The following IQGAP1 variants were observed in gnomAD, a reference collection of about 807,000 sequenced individuals.
IQGAP1 encodes the protein IQ motif containing GTPase activating protein 1, also known as ras GTPase-activating-like protein IQGAP1.
Under a neutral mutation model 215.6 loss-of-function variants are expected in IQGAP1, and 66 were observed. The observed-to-expected ratio is 0.31, with a 90% confidence interval of 0.25 to 0.38. The LOEUF (loss-of-function observed/expected upper bound fraction) is 0.38. IQGAP1 is among the 10% of genes least tolerant of loss of function. The probability of loss-of-function intolerance (pLI) is 1.00; values close to 1 mark genes in which losing one functional copy is unlikely to be tolerated. For synonymous variants in IQGAP1, 772 were observed against 728.7 expected (o/e 1.06, Z -0.96); for missense variants, 1,712 against 1,997.1 (o/e 0.86, Z 2.72).
chr15:90,482,817 T>A, intron 28 of IQGAP1: 1 of 661,994 alleles, frequency 1.5e-6, no homozygotes, highest in Non-Finnish European at 1.9e-6. Flanking sequence ...TGAATTCTTC[T>A]GTGGAAGAGA....
At chr15:90,491,645 G>A (rs1966206404) in intron 34 of IQGAP1, 100 bp downstream of exon 34, 1 of 872,396 alleles carries the variant, frequency 1.1e-6, no homozygotes, top group African/African-American at 1.7e-5. Flanking sequence ...CAGTTCATGG[G>A]CAAATTAGTG....
chr15:90,425,793 A>G (rs372937940), intron 2 of IQGAP1, among the ~76,000 whole-genome samples: 2 of 152,208 alleles, frequency 1.3e-5, no homozygotes, highest in African/African-American at 4.8e-5. Flanking sequence ...TTAAAGAGCA[A>G]CTTAAGGACT....
chr15:90,397,456 C>T (rs921415248), intron 2 of IQGAP1, among the ~76,000 whole-genome samples: 2 of 150,570 alleles, frequency 1.3e-5, no homozygotes, highest in African/African-American at 4.9e-5. Context: ...TCTTACAGAG[C>T]TGCTGTGATG....
At chr15:90,404,190 G>A (rs1964843658) in intron 2 of IQGAP1, among the ~76,000 whole-genome samples, 1 of 152,156 alleles carries the variant, frequency 6.6e-6, no homozygotes, top group African/African-American at 2.4e-5. Flanking sequence ...GGGTCAAAGG[G>A]AATATGCATA....
At position 90,460,939 on chromosome 15, in the gene IQGAP1, C is replaced by T. The variant is rs571526897; in HGVS notation, c.1776+4624C>T. On this transcript the variant is annotated intron_variant, in intron 15 of 37. Coordinates refer to ENST00000268182, the MANE Select transcript of IQGAP1 (RefSeq NM_003870.4). ...ACTTGGGCCTAGGGGGCTGAGGTTG[C>T]GGTGAGCCAAGATTGCACCACTGCA... is the stretch of plus-strand genomic sequence containing the variant. 3.6e-5 allele frequency among the ~76,000 whole-genome samples: 5 copies of T among 137,152 alleles called. No individual in the cohort carries two copies. The South Asian group carries it at 7.4e-4, about 20-fold the overall frequency. The allele number at this position is 137,152 out of a possible 152,430, so 90.0% of individuals were successfully genotyped here. A position where few individuals can be genotyped will look rare whatever the true frequency, so the allele number is the denominator to read the frequency against.
At position 90,501,889 on chromosome 15, in the gene IQGAP1, A is replaced by C. The variant is rs999693313; in HGVS notation, c.*1781A>C. ...CAGAGTTTACAGCTCCTTTAATAAA[A>C]TGTGTCAGTAATTTTAAGGTTTATA... On this transcript the variant is annotated 3_prime_UTR_variant, in exon 38 of 38. Coordinates refer to ENST00000268182, the MANE Select transcript of IQGAP1 (RefSeq NM_003870.4). 6.6e-5 allele frequency: 10 copies of C among 152,228 alleles called. No homozygotes were observed. The highest frequency in any genetic ancestry group is 1.5e-4 in the Non-Finnish European group (10 of 68,046). 9.4% of individuals were successfully genotyped at this position (152,228 alleles called of 1,614,324 possible).
chr15:90,476,558 C>A, intron 23 of IQGAP1, 105 bp from the exon 24 acceptor site: 1 of 746,892 alleles, frequency 1.3e-6, no homozygotes, highest in Non-Finnish European at 2.2e-6. Context: ...TCTGCCAGTG[C>A]AGTACACCTT....
At chr15:90,420,011 A>T (rs974278109) in intron 2 of IQGAP1, among the ~76,000 whole-genome samples, 1 of 152,162 alleles carries the variant, frequency 6.6e-6, no homozygotes, top group African/African-American at 2.4e-5. Flanking sequence ...ATGTACTATC[A>T]TCTCTTTAAT....
chr15:90,494,354 A>C (rs139062942), intron 35 of IQGAP1: 5 of 157,982 alleles, frequency 3.2e-5, no homozygotes, highest in Non-Finnish European at 2.8e-5. Flanking sequence ...GCGTAGAGTA[A>C]CTCCTTCACT....
intron 6 of IQGAP1, 66 bp downstream of exon 6, chr15:90,439,465 T>G (rs1333464847): frequency 2.2e-6 from 3 of 1,356,216 alleles, no homozygotes; most frequent in East Asian, 2.3e-5. Flanking sequence ...GAGCCAGCAG[T>G]ACCAATTTTG....
intron 15 of IQGAP1, among the ~76,000 whole-genome samples, chr15:90,456,924 GTATA>G (rs145308728): frequency 6.8e-5 from 9 of 131,496 alleles, no homozygotes; most frequent in South Asian, 2.4e-4. Context: ...GTGTGTGTGT[GTATA>G]TATATATATA....
At chr15:90,417,702 T>G (rs1000388631) in intron 2 of IQGAP1, among the ~76,000 whole-genome samples, 11 of 152,208 alleles carry the variant, frequency 7.2e-5, no homozygotes, top group Non-Finnish European at 1.3e-4. Context: ...GCGGGCTCTT[T>G]TTGGGTTCCA....
At chr15:90,391,544 T>C (rs1314537218) in intron 2 of IQGAP1, 1 of 152,420 alleles carries the variant, frequency 6.6e-6, no homozygotes, top group Non-Finnish European at 1.5e-5. Context: ...TTGATTTATA[T>C]ATGAATTGAG....
intron 1 of IQGAP1, among the ~76,000 whole-genome samples, chr15:90,390,371 G>A (rs1374161961): frequency 2.6e-5 from 4 of 152,158 alleles, no homozygotes; most frequent in Admixed American, 6.6e-5. Context: ...GAGAGAATGC[G>A]TGTAAAATGC....
intron 2 of IQGAP1, among the ~76,000 whole-genome samples, chr15:90,395,464 G>A (rs2151000880): frequency 6.6e-6 from 1 of 152,210 alleles, no homozygotes; most frequent in East Asian, 1.9e-4. Context: ...GGGACTACAG[G>A]CGCCCACCAC....
chr15:90,469,397 T>A (rs1037526230), intron 18 of IQGAP1, among the ~76,000 whole-genome samples: 9 of 152,208 alleles, frequency 5.9e-5, no homozygotes, highest in Non-Finnish European at 1.2e-4. Flanking sequence ...GGAGTTAACA[T>A]CAGATGGGTG....
At position 90,453,255 on chromosome 15, in the gene IQGAP1, A is replaced by G; in HGVS notation, c.1450A>G (p.Thr484Ala). ...GTGGAAGCAATTGAGCAGTTCAGTTACTGGTCTTACCAATATTGAGGAAGA... is the reference window on the plus strand; with the variant it reads ...GTGGAAGCAATTGAGCAGTTCAGTTGCTGGTCTTACCAATATTGAGGAAGA... ...TVWKQLSSSV[T>A]GLTNIEEENC... The change falls in exon 13 of 38, where the codon ACT becomes GCT. Residue 484 changes from threonine to alanine, a missense_variant. By Grantham distance (58) the Thr-to-Ala change is moderately conservative (BLOSUM62 0). Transcript: ENST00000268182. 1 of 1,613,894 alleles carries G rather than the reference A, an allele frequency of 6.2e-7. No individual in the cohort carries two copies. Among genetic ancestry groups the G allele is most frequent in the Non-Finnish European group, 8.5e-7 (1 of 1,179,874 alleles).
intron 35 of IQGAP1, chr15:90,494,223 T>A (rs538926244): frequency 6.6e-6 from 1 of 152,476 alleles, no homozygotes; most frequent in East Asian, 1.9e-4. Context: ...TTGATTATCC[T>A]AATAGCCTCC....
rs187040139 is a variant in IQGAP1 at position 90,457,045 on chromosome 15, A to C, written c.1776+730A>C. Among the ~76,000 whole-genome samples the C allele has an allele frequency of 5.9e-5, 9 of 151,646 alleles. No individual in the cohort carries two copies. The East Asian group carries it at 1.7e-3, about 29-fold the overall frequency. Reference sequence around the variant, plus strand: ...AGGTAGATGGGTATGCAATTGCATAAATTTTCAAAAGGAGGCACACCTGTG... The same window carrying C: ...AGGTAGATGGGTATGCAATTGCATACATTTTCAAAAGGAGGCACACCTGTG... On this transcript the variant is annotated intron_variant, in intron 15 of 37. Coordinates refer to ENST00000268182, the MANE Select transcript of IQGAP1 (RefSeq NM_003870.4).
Sources: allele counts gnomAD v4.1 joint callset (sites outside exome capture counted in the v4.1 genomes callset), GRCh38; gene constraint gnomAD v4.1.1; transcripts MANE v1.5; gene names NCBI Gene and HGNC (gene_info 2026-07-23, HGNC 2026-07-21).